CERS6: variants seen among roughly 807,000 people sequenced by gnomAD.
The protein encoded by CERS6 is LAG1 homolog, ceramide synthase 6.
CERS6 carries 26 observed loss-of-function variants against 56.8 expected under a neutral mutation model. The ratio of observed to expected loss-of-function variants is 0.46; its 90% CI spans 0.34 to 0.63. The LOEUF (loss-of-function observed/expected upper bound fraction) is 0.63, where lower values mean the gene tolerates loss of function less well. Among genes scored for constraint, CERS6 ranks in the 30% least tolerant of loss-of-function variants. The pLI is 0.01. For missense variants in CERS6, 415 were observed against 467.5 expected, an observed-to-expected ratio of 0.89 and a Z score of 1.04; for synonymous variants, 164 against 173.3, an observed-to-expected ratio of 0.95 and a Z score of 0.42.
intron 1 of CERS6, among the ~76,000 whole-genome samples, chr2:168,508,945 C>G (rs1189498617): frequency 2.6e-5 from 4 of 152,108 alleles, no homozygotes; most frequent in African/African-American, 9.7e-5. Flanking sequence ...GCCAATTTGT[C>G]CTTTAGGTGA....
chr2:168,626,416 C>T (rs546999969), intron 3 of CERS6, among the ~76,000 whole-genome samples: 1 of 152,294 alleles, frequency 6.6e-6, no homozygotes, highest in African/African-American at 2.4e-5. Flanking sequence ...CACCTGGCAA[C>T]AAGACCTGAG....
chr2:168,626,009 G>T (rs1031286730), intron 3 of CERS6, among the ~76,000 whole-genome samples: 1 of 152,114 alleles, frequency 6.6e-6, no homozygotes, highest in Admixed American at 6.6e-5. Context: ...TCAGGAAGAA[G>T]TAGCATAGCT....
intron 3 of CERS6, among the ~76,000 whole-genome samples, chr2:168,574,519 C>T (rs939486749): frequency 6.6e-6 from 1 of 152,038 alleles, no homozygotes; most frequent in African/African-American, 2.4e-5. Flanking sequence ...TTATCATCAT[C>T]CTTAGGATGA....
chr2:168,773,030 A>C lies in CERS6; in HGVS notation c.*3368A>C, dbSNP rs373878946. ...TAGGTAGAAAGGGCCTGAATCTTCC[A>C]TTTTATATTCAAACCTCATTGTTAT... On this transcript the variant is annotated 3_prime_UTR_variant, in exon 10 of 10. Coordinates refer to ENST00000305747, the MANE Select transcript of CERS6 (RefSeq NM_203463.3). 1 of 152,216 alleles carries C rather than the reference A, an allele frequency of 6.6e-6. No homozygotes were observed. The highest frequency in any genetic ancestry group is 6.5e-5 in the Admixed American group (1 of 15,278). The allele number at this position is 152,216 out of a possible 1,614,324, so 9.4% of individuals were successfully genotyped here.
At chr2:168,724,716 T>C (rs188020747) in intron 8 of CERS6, among the ~76,000 whole-genome samples, 119 of 152,144 alleles carry the variant, frequency 7.8e-4, no homozygotes, top group African/African-American at 2.7e-3. Context: ...AGGGTGCAGA[T>C]TGGTGTGTTT....
At chr2:168,591,591 A>G (rs928827342) in intron 3 of CERS6, among the ~76,000 whole-genome samples, 1 of 152,202 alleles carries the variant, frequency 6.6e-6, no homozygotes, top group Non-Finnish European at 1.5e-5. Flanking sequence ...CAATGAAGAA[A>G]ATGTGTTGTT....
chr2:168,501,301 G>A (rs909544142), intron 1 of CERS6, among the ~76,000 whole-genome samples: 3 of 152,184 alleles, frequency 2.0e-5, no homozygotes, highest in Non-Finnish European at 4.4e-5. Flanking sequence ...ACAGCACAAG[G>A]ATTAGTCAAC....
chr2:168,718,362 G>T (rs778405667), intron 8 of CERS6, among the ~76,000 whole-genome samples: 33 of 152,188 alleles, frequency 2.2e-4, no homozygotes, highest in Non-Finnish European at 7.4e-5. Context: ...GTTGTCCCTG[G>T]ATTAGCAGTA....
In CERS6 at chr2:168,520,906, A is replaced by G. The variant is rs528720252; in HGVS notation, c.171-26690A>G. 3.9e-5 allele frequency among the ~76,000 whole-genome samples: 6 copies of G among 152,098 alleles called. No homozygotes were observed. The South Asian group carries it at 1.0e-3, about 26-fold the overall frequency. ...TTACAGACGTGAGCCACCACGCTCA[A>G]TTGGTATACTTTGAATTAAATACTG... On this transcript the variant is annotated intron_variant, in intron 1 of 9. Transcript: ENST00000305747.
At chr2:168,490,152 T>C (rs79958467) in intron 1 of CERS6, among the ~76,000 whole-genome samples, 11,818 of 152,262 alleles carry the variant, frequency 0.078, 515 homozygotes, top group East Asian at 0.18. Context: ...TCAGTTCTTA[T>C]AGCTGTTGCT....
Position 168,774,032 on chromosome 2 carries a change from GAC to G in CERS6, c.*4373_*4374del, listed in dbSNP as rs1391505034. On this transcript the variant is annotated 3_prime_UTR_variant, in exon 10 of 10. Coordinates refer to ENST00000305747, the MANE Select transcript of CERS6 (RefSeq NM_203463.3). ...ACGAATATTTTTAATAGGATCCGCA[GAC>G]ACCCAAAGGAGAAGCTTGGTCTTTT... The G allele has an allele frequency of 3.3e-5, 5 of 152,198 alleles. No homozygotes were observed. Among genetic ancestry groups the G allele is most frequent in the African/African-American group, 7.2e-5 (3 of 41,446 alleles). 9.4% of individuals were successfully genotyped at this position (152,198 alleles called of 1,614,324 possible).
intron 4 of CERS6, among the ~76,000 whole-genome samples, chr2:168,671,791 TA>T (rs1368323778): frequency 6.6e-6 from 1 of 152,212 alleles, no homozygotes; most frequent in Non-Finnish European, 1.5e-5. Flanking sequence ...TCACCCAGCT[TA>T]TATTATAAAA....
intron 3 of CERS6, among the ~76,000 whole-genome samples, chr2:168,598,785 C>T (rs548779648): frequency 1.2e-4 from 18 of 152,144 alleles, no homozygotes; most frequent in Admixed American, 3.3e-4. Context: ...TCAAATATTG[C>T]GGTGATACAA....
intron 3 of CERS6, among the ~76,000 whole-genome samples, chr2:168,573,229 C>T (rs890384864): frequency 2.0e-5 from 3 of 152,156 alleles, no homozygotes; most frequent in African/African-American, 7.2e-5. Flanking sequence ...TTCTGGTGCT[C>T]AGAGTTTAAA....
intron 6 of CERS6, among the ~76,000 whole-genome samples, chr2:168,700,031 A>G (rs767389481): frequency 8.5e-5 from 13 of 152,258 alleles, no homozygotes; most frequent in Non-Finnish European, 1.3e-4. Context: ...AGTCCTTCTC[A>G]GGGAAGCATC....
At chr2:168,646,706 A>G (rs1024195567) in intron 4 of CERS6, among the ~76,000 whole-genome samples, 1 of 151,970 alleles carries the variant, frequency 6.6e-6, no homozygotes, top group East Asian at 1.9e-4. Context: ...TCTTGAGTTG[A>G]TTTTTGTATA....
rs1684841479 is a variant in CERS6, at chr2:168,770,668, A to G, written c.*1006A>G. The G allele has an allele frequency of 6.5e-6, 1 of 152,682 alleles. No homozygotes were observed. Among genetic ancestry groups the G allele is most frequent in the Non-Finnish European group, 1.5e-5 (1 of 68,042 alleles). 9.5% of individuals were successfully genotyped at this position (152,682 alleles called of 1,614,324 possible). ...AAAGATTACCTGTGCAGTGCAGAGC[A>G]CTTTAATGCAACCAGCTTTCAAGAA... On this transcript the variant is annotated 3_prime_UTR_variant, in exon 10 of 10. Coordinates refer to ENST00000305747, the MANE Select transcript of CERS6 (RefSeq NM_203463.3).
At chr2:168,554,799 T>C (rs2105376895) in intron 2 of CERS6, among the ~76,000 whole-genome samples, 1 of 152,346 alleles carries the variant, frequency 6.6e-6, no homozygotes, top group Admixed American at 6.5e-5. Context: ...TACAGGCACG[T>C]ATAAATAACA....
intron 3 of CERS6, among the ~76,000 whole-genome samples, chr2:168,610,691 C>T (rs780179036): frequency 2.0e-5 from 3 of 152,144 alleles, no homozygotes; most frequent in Non-Finnish European, 4.4e-5. Context: ...TAGACCATCC[C>T]ACCCATCTCT....
Sources: allele counts gnomAD v4.1 joint callset (sites outside exome capture counted in the v4.1 genomes callset), GRCh38; gene constraint gnomAD v4.1.1; transcripts MANE v1.5; gene names NCBI Gene and HGNC (gene_info 2026-07-23, HGNC 2026-07-21).